Variants in RIMS2 observed in about 807,000 individuals in gnomAD.
RIMS2 encodes the protein regulating synaptic membrane exocytosis protein 2.
A neutral mutation model predicts 174.4 loss-of-function variants in RIMS2; 59 were observed. The ratio of observed to expected loss-of-function variants is 0.34; its 90% CI spans 0.27 to 0.42. The LOEUF (loss-of-function observed/expected upper bound fraction) is 0.42. Ranked by LOEUF, RIMS2 falls within the 10% of genes least tolerant of loss-of-function variation. The pLI is 1.00. For missense variants in RIMS2, 1,620 were observed against 1,666.3 expected, an observed-to-expected ratio of 0.97 and a Z score of 0.48; for synonymous variants, 606 against 572.5, an observed-to-expected ratio of 1.06 and a Z score of -0.84.
At chr8:103,512,418 T>C (rs1315830382) in intron 1 of RIMS2, among the ~76,000 whole-genome samples, 1 of 152,174 alleles carries the variant, frequency 6.6e-6, no homozygotes, top group Non-Finnish European at 1.5e-5. Context: ...TTTGGCGTTA[T>C]ATGTTTCTCT....
chr8:103,513,556 A>T (rs1394942595), intron 1 of RIMS2, among the ~76,000 whole-genome samples: 2 of 152,212 alleles, frequency 1.3e-5, no homozygotes, highest in African/African-American at 4.8e-5. Context: ...GAATATTTAC[A>T]AAAGGGTTAA....
chr8:103,601,885 C>A (rs1361403624), intron 1 of RIMS2, among the ~76,000 whole-genome samples: 2 of 152,064 alleles, frequency 1.3e-5, no homozygotes, highest in Non-Finnish European at 2.9e-5. Flanking sequence ...AAACTCATGA[C>A]AGCTTAACAC....
At chr8:104,165,344 A>T (rs937366080) in intron 19 of RIMS2, among the ~76,000 whole-genome samples, 2 of 152,166 alleles carry the variant, frequency 1.3e-5, no homozygotes. Context: ...TACATACTGG[A>T]TTATTCCTCT....
chr8:104,064,589 A>G (rs2097069606), intron 19 of RIMS2, among the ~76,000 whole-genome samples: 1 of 152,060 alleles, frequency 6.6e-6, no homozygotes, highest in South Asian at 2.1e-4. Context: ...CAAAAAACAG[A>G]GGGCCATTTC....
rs184207032 is a variant in RIMS2 at position 103,845,839 on chromosome 8, A to G, written c.699-39459A>G. On this transcript the variant is annotated intron_variant, in intron 3 of 23. Transcript: ENST00000504942. ...GGCAGCTATTTATCCAGTGCTTTTT[A>G]TTTATTCTTTGAACTAATATTTAAG... Among the ~76,000 whole-genome samples, 133 of 152,216 alleles carry G rather than the reference A, an allele frequency of 8.7e-4. No individual in the cohort carries two copies. In the Middle Eastern group the frequency reaches 0.02, roughly 23 times the overall value.
At chr8:103,772,974 G>A (rs550567228) in intron 3 of RIMS2, among the ~76,000 whole-genome samples, 2 of 152,072 alleles carry the variant, frequency 1.3e-5, no homozygotes, top group South Asian at 4.1e-4. Context: ...AAATGTAAAA[G>A]CTAAAATTAT....
At chr8:103,834,570 T>C (rs1198498089) in intron 3 of RIMS2, among the ~76,000 whole-genome samples, 1 of 151,672 alleles carries the variant, frequency 6.6e-6, no homozygotes, top group Non-Finnish European at 1.5e-5. Context: ...ATAATTTTAT[T>C]TTTCCTTTCT....
At chr8:103,997,365 GTTTAC>G (rs1396224474) in intron 17 of RIMS2, among the ~76,000 whole-genome samples, 3 of 151,738 alleles carry the variant, frequency 2.0e-5, no homozygotes, top group African/African-American at 7.2e-5. Flanking sequence ...TTAAATGTAT[GTTTAC>G]TTTATATTTA....
chr8:104,154,662 G>C (rs962719155), intron 19 of RIMS2, among the ~76,000 whole-genome samples: 2 of 152,188 alleles, frequency 1.3e-5, no homozygotes, highest in African/African-American at 2.4e-5. Flanking sequence ...GGGTAGGTGA[G>C]ATCCAGAACT....
At chr8:103,880,721 T>A (rs754860900) in intron 3 of RIMS2, 3 of 481,598 alleles carry the variant, frequency 6.2e-6, no homozygotes, top group African/African-American at 2.0e-5. Flanking sequence ...AAATCTTAAT[T>A]GTGATATGTA....
intron 14 of RIMS2, among the ~76,000 whole-genome samples, chr8:103,957,183 A>G (rs998948276): frequency 1.3e-5 from 2 of 152,166 alleles, no homozygotes; most frequent in Non-Finnish European, 2.9e-5. Context: ...ATTGTGGAAG[A>G]CAGTGTGACA....
intron 19 of RIMS2, among the ~76,000 whole-genome samples, chr8:104,060,655 T>G (rs1183248575): frequency 6.6e-6 from 1 of 152,152 alleles, no homozygotes; most frequent in Non-Finnish European, 1.5e-5. Flanking sequence ...CTTTTAATTG[T>G]GATGTTAGGA....
intron 3 of RIMS2, among the ~76,000 whole-genome samples, chr8:103,834,676 T>TTTC (rs2098847912): frequency 5.8e-5 from 7 of 120,012 alleles, no homozygotes; most frequent in African/African-American, 1.6e-4. Context: ...TCTGAGGTCT[T>TTTC]TTTCTTTCTT....
chr8:103,975,511 G>A lies in RIMS2; in HGVS notation c.2927+5G>A. 3 of 1,607,514 alleles carry A rather than the reference G, an allele frequency of 1.9e-6. No individual in the cohort carries two copies. The highest frequency in any genetic ancestry group is 2.6e-6 in the Non-Finnish European group (3 of 1,174,828). The stretch of plus-strand genomic sequence containing the variant: ...CAGTGTCCCTCCTCCACAAAGGTAA[G>A]ATAGACTACTTATTTTATTTGTAGG... On this transcript the variant is annotated splice_donor_5th_base_variant and intron_variant, in intron 16 of 23. Coordinates refer to ENST00000504942, the Ensembl canonical transcript of RIMS2.
intron 3 of RIMS2, among the ~76,000 whole-genome samples, chr8:103,862,029 C>G (rs142629333): frequency 1.3e-5 from 2 of 151,838 alleles, no homozygotes; most frequent in Admixed American, 1.3e-4. Context: ...CTTTTGGGCT[C>G]GTAGTCATAA....
chr8:104,049,711 A>C (rs1566033343), intron 19 of RIMS2, among the ~76,000 whole-genome samples: 1 of 152,192 alleles, frequency 6.6e-6, no homozygotes, highest in South Asian at 2.1e-4. Flanking sequence ...ATGACCAGCC[A>C]AAATGAAAAA....
intron 1 of RIMS2, among the ~76,000 whole-genome samples, chr8:103,551,102 G>A (rs1254862632): frequency 6.6e-6 from 1 of 152,150 alleles, no homozygotes; most frequent in Non-Finnish European, 1.5e-5. Context: ...ATTTTATGAG[G>A]CCAGCATCAT....
intron 1 of RIMS2, among the ~76,000 whole-genome samples, chr8:103,546,118 A>G (rs1844958241): frequency 6.6e-6 from 1 of 152,170 alleles, no homozygotes; most frequent in South Asian, 2.1e-4. Flanking sequence ...ACCCAATTGT[A>G]TGTTGTCTAC....
At chr8:104,196,010 T>C (rs1382813427) in intron 19 of RIMS2, among the ~76,000 whole-genome samples, 1 of 152,166 alleles carries the variant, frequency 6.6e-6, no homozygotes, top group Non-Finnish European at 1.5e-5. Flanking sequence ...TTCTTTTTCT[T>C]AAGGAATCAA....
Sources: gnomAD v4.1 joint callset for allele counts (sites outside exome capture counted in the v4.1 genomes callset) on GRCh38, gnomAD v4.1.1 for gene constraint, MANE v1.5 for transcripts, NCBI Gene and HGNC (gene_info 2026-07-23, HGNC 2026-07-21) for gene names.